FAM193A: variants seen among roughly 807,000 people sequenced by gnomAD.
The protein encoded by FAM193A is protein FAM193A.
FAM193A carries 22 observed loss-of-function variants against 126.5 expected under a neutral mutation model. The observed-to-expected ratio is 0.17, with a 90% CI of 0.12 to 0.25. The LOEUF (loss-of-function observed/expected upper bound fraction) is 0.25. Among genes scored for constraint, FAM193A ranks in the 10% least tolerant of loss-of-function variants. The pLI is 1.00. For missense variants in FAM193A, 1,675 were observed against 1,672.8 expected (o/e 1.00, Z -0.02); for synonymous variants, 761 against 646.8 (o/e 1.18, Z -2.68).
chr4:2,549,154 G>C (rs2108815751), intron 1 of FAM193A, among the ~76,000 whole-genome samples: 1 of 151,764 alleles, frequency 6.6e-6, no homozygotes, highest in South Asian at 2.1e-4. Context: ...GGCCATGCTC[G>C]TCTTGAACTC....
intron 12 of FAM193A, among the ~76,000 whole-genome samples, chr4:2,666,241 C>T (rs891663683): frequency 6.6e-6 from 1 of 152,134 alleles, no homozygotes; most frequent in African/African-American, 2.4e-5. Flanking sequence ...TTCAGTTTTT[C>T]AAATGTCTTT....
At chr4:2,642,204 T>G (rs1034261599) in intron 6 of FAM193A, among the ~76,000 whole-genome samples, 10 of 150,970 alleles carry the variant, frequency 6.6e-5, no homozygotes, top group Non-Finnish European at 1.5e-4. Flanking sequence ...CCCGGGAGGC[T>G]GAGGCAGGAG....
In FAM193A at chr4:2,700,037, G is replaced by A. The variant is rs1163253006; in HGVS notation, c.3865G>A (p.Gly1289Arg). 3.7e-6 allele frequency: 6 copies of A among 1,613,980 alleles called. No individual in the cohort carries two copies. The highest frequency in any genetic ancestry group is 5.1e-6 in the Non-Finnish European group (6 of 1,180,008). Residue 1289 changes from glycine to arginine, a missense_variant, in exon 19 of 21, where the codon GGG (glycine) becomes AGG (arginine). This residue lies in a region of FAM193A where 415 missense variants were observed against 396.7 expected (regional missense o/e 1.05). Coordinates refer to ENST00000637812, the MANE Select transcript of FAM193A (RefSeq NM_001366318.2). ...TATGAACCACTCAGAGCCCAGGCCAGGGCTAGGGGCTGATGGGGATGCTGC... is the reference window on the plus strand; with the variant it reads ...TATGAACCACTCAGAGCCCAGGCCAAGGCTAGGGGCTGATGGGGATGCTGC... ...RHMNHSEPRP[G>R]LGADGDAADP...
intron 1 of FAM193A, among the ~76,000 whole-genome samples, chr4:2,583,541 C>CTA (rs573513955): frequency 2.1e-3 from 313 of 152,240 alleles, no homozygotes; most frequent in Middle Eastern, 0.017. Context: ...GAGTTCTGCG[C>CTA]TACTGTCTTT....
chr4:2,715,844 G>A (rs999464148), intron 19 of FAM193A, among the ~76,000 whole-genome samples, 179 bp from the exon 20 acceptor site: 5 of 152,190 alleles, frequency 3.3e-5, no homozygotes, highest in Admixed American at 2.0e-4. Flanking sequence ...GCAGTTTCCA[G>A]GTCAGACCTG....
rs556852292 is a variant in FAM193A, at chr4:2,550,843, C to G, written c.255+13673C>G. Among the ~76,000 whole-genome samples, 668 of 151,196 alleles carry G rather than the reference C, an allele frequency of 4.4e-3. 3 individuals carry two copies. Among genetic ancestry groups the G allele is most frequent in the African/African-American group, 0.016 (643 of 41,146 alleles). ...TAGAGATGAGTCTTGCTCTGTCTCC[C>G]AGGCTGGAGTGCAGTGGCGCCATCT... On this transcript the variant is annotated intron_variant, in intron 1 of 20. Transcript: ENST00000637812.
At chr4:2,682,016 C>T (rs1459973413) in intron 13 of FAM193A, among the ~76,000 whole-genome samples, 5 of 115,698 alleles carry the variant, frequency 4.3e-5, no homozygotes, top group Non-Finnish European at 5.0e-5. Context: ...ACAGAGTCTT[C>T]CTCGGTCGCC....
At chr4:2,643,711 T>G (rs527590260) in intron 6 of FAM193A, among the ~76,000 whole-genome samples, 3 of 152,206 alleles carry the variant, frequency 2.0e-5, no homozygotes, top group Admixed American at 6.5e-5. Context: ...GTCTGGATCC[T>G]GCGTGGGCGT....
chr4:2,723,040 A>C (rs1720331397), intron 20 of FAM193A, among the ~76,000 whole-genome samples: 1 of 152,144 alleles, frequency 6.6e-6, no homozygotes, highest in Non-Finnish European at 1.5e-5. Flanking sequence ...TTGGGAGGCC[A>C]AGGCAGGAGG....
chr4:2,673,363 T>C (rs1714040762), intron 13 of FAM193A, among the ~76,000 whole-genome samples: 1 of 152,206 alleles, frequency 6.6e-6, no homozygotes, highest in South Asian at 2.1e-4. Context: ...TAGGGGTCAC[T>C]GTGAAGTGGG....
intron 1 of FAM193A, among the ~76,000 whole-genome samples, chr4:2,568,973 C>CTTTTTTTTTTTTTTT (rs753557878): frequency 2.4e-4 from 22 of 90,710 alleles, no homozygotes; most frequent in East Asian, 7.6e-4. Context: ...TGTTGTTTTG[C>CTTTTTTTTTTTTTTT]TTTTTTTTTT....
intron 20 of FAM193A, among the ~76,000 whole-genome samples, chr4:2,730,480 G>T (rs747439974): frequency 6.6e-5 from 10 of 152,018 alleles, no homozygotes; most frequent in Non-Finnish European, 1.5e-4. Flanking sequence ...CACAAGGTCA[G>T]GATATTGAGA....
In FAM193A at chr4:2,650,770, A is replaced by G. The variant is rs73791845; in HGVS notation, c.1311+3938A>G. Among the ~76,000 whole-genome samples, 16 of 152,244 alleles carry G rather than the reference A, an allele frequency of 1.1e-4. No homozygotes were observed. The South Asian group carries it at 2.7e-3, about 26-fold the overall frequency. On this transcript the variant is annotated intron_variant, in intron 7 of 20. Coordinates refer to ENST00000637812, the MANE Select transcript of FAM193A (RefSeq NM_001366318.2). ...CTCCCAAGTGCATAGGACCCTGCCTACCTTTACCAAGGACCGCATAAAAAA... is the reference window on the plus strand; with the variant it reads ...CTCCCAAGTGCATAGGACCCTGCCTGCCTTTACCAAGGACCGCATAAAAAA...
intron 13 of FAM193A, among the ~76,000 whole-genome samples, chr4:2,685,781 C>T (rs1235035369): frequency 6.6e-6 from 1 of 152,198 alleles, no homozygotes; most frequent in Non-Finnish European, 1.5e-5. Flanking sequence ...TGGTAGAGGA[C>T]AGGCGAGTCA....
intron 6 of FAM193A, among the ~76,000 whole-genome samples, chr4:2,645,284 C>T (rs1342683976): frequency 2.0e-5 from 3 of 152,148 alleles, no homozygotes; most frequent in Admixed American, 1.3e-4. Context: ...TATTTTGGCT[C>T]ACACTGATAG....
intron 1 of FAM193A, among the ~76,000 whole-genome samples, chr4:2,559,626 C>T (rs116339228): frequency 3.5e-4 from 54 of 152,260 alleles, no homozygotes; most frequent in African/African-American, 1.2e-3. Context: ...TCCTTACTCT[C>T]GCCGTAGTCT....
intron 1 of FAM193A, among the ~76,000 whole-genome samples, chr4:2,584,560 A>T (rs998373556): frequency 2.0e-5 from 3 of 152,218 alleles, no homozygotes; most frequent in African/African-American, 7.2e-5. Flanking sequence ...AAGGAAATAG[A>T]ACATTACCAG....
intron 2 of FAM193A, among the ~76,000 whole-genome samples, chr4:2,603,464 T>TTC (rs1221155577): frequency 1.4e-5 from 2 of 145,184 alleles, no homozygotes; most frequent in Non-Finnish European, 3.0e-5. Context: ...TTTTTTTTTT[T>TTC]TTTTTTTTTT....
chr4:2,632,792 C>T (rs370059305), intron 5 of FAM193A, among the ~76,000 whole-genome samples: 3 of 152,118 alleles, frequency 2.0e-5, no homozygotes, highest in Admixed American at 6.6e-5. Flanking sequence ...TGGCATCTCT[C>T]GCAGCACAGC....
Sources: gnomAD v4.1 joint callset for allele counts (sites outside exome capture counted in the v4.1 genomes callset) on GRCh38, gnomAD v4.1.1 for gene constraint, gnomAD v4.1.1 regional missense constraint, MANE v1.5 for transcripts, NCBI Gene and HGNC (gene_info 2026-07-23, HGNC 2026-07-21) for gene names.